ULK4: variants seen among roughly 807,000 people sequenced by gnomAD.
ULK4 encodes the protein unc-51 like kinase 4.
ULK4 carries 133 observed loss-of-function variants against 160.6 expected under a neutral mutation model. The ratio of observed to expected loss-of-function variants is 0.83; its 90% confidence interval spans 0.72 to 0.96. ULK4 has a LOEUF of 0.96. Among genes scored for constraint, ULK4 ranks in the 40% least tolerant of loss-of-function variants. The pLI, the probability that ULK4 is intolerant of heterozygous loss-of-function variation, is 0.00. For missense variants in ULK4, 1,580 were observed against 1,499.5 expected (o/e 1.05, Z -0.89); for synonymous variants, 534 against 539.8 (o/e 0.99, Z 0.15).
chr3:41,750,756 G>C (rs1309417348), intron 22 of ULK4, among the ~76,000 whole-genome samples: 3 of 151,970 alleles, frequency 2.0e-5, no homozygotes, highest in Non-Finnish European at 4.4e-5. Flanking sequence ...AGCACTTTGG[G>C]AGGTCAAGGC....
Position 41,321,987 on chromosome 3 carries a change from GTACTT to G in ULK4, c.3679-72418_3679-72414del, listed in dbSNP as rs1368275224. Among the ~76,000 whole-genome samples, 5 of 143,786 alleles carry G rather than the reference GTACTT, an allele frequency of 3.5e-5. 2 individuals are homozygous for G. Among genetic ancestry groups the G allele is most frequent in the Non-Finnish European group, 4.5e-5 (3 of 66,294 alleles). The allele number at this position is 143,786 out of a possible 152,430, so 94.3% of individuals were successfully genotyped here. A position where few individuals can be genotyped will look rare whatever the true frequency, so the allele number is the denominator to read the frequency against. On this transcript the variant is annotated intron_variant, in intron 35 of 36. Transcript: ENST00000301831. Reference sequence around the variant, plus strand: ...GTCATCCTCTTGGCCCTCTTCCAGTGTACTTTACTTCTTTTCATTCCTGCTCTAAA... The same window carrying G: ...GTCATCCTCTTGGCCCTCTTCCAGTGTACTTCTTTTCATTCCTGCTCTAAA...
At chr3:41,897,798 T>C (rs1698216282) in intron 14 of ULK4, among the ~76,000 whole-genome samples, 1 of 152,216 alleles carries the variant, frequency 6.6e-6, no homozygotes, top group Admixed American at 6.5e-5. Flanking sequence ...AAATATATTT[T>C]AAATTTACTT....
chr3:41,337,215 A>G (rs912193759), intron 35 of ULK4, among the ~76,000 whole-genome samples: 1 of 152,228 alleles, frequency 6.6e-6, no homozygotes, highest in South Asian at 2.1e-4. Flanking sequence ...TTCTGGCTGC[A>G]AAGTATTACT....
intron 27 of ULK4, among the ~76,000 whole-genome samples, chr3:41,692,152 C>T (rs553564092): frequency 2.2e-4 from 34 of 151,460 alleles, no homozygotes; most frequent in African/African-American, 7.7e-4. Flanking sequence ...GGAGTTTCAC[C>T]GTGTTAGCCA....
intron 32 of ULK4, among the ~76,000 whole-genome samples, chr3:41,524,657 C>A (rs913663438): frequency 6.6e-6 from 1 of 151,938 alleles, no homozygotes; most frequent in African/African-American, 2.4e-5. Flanking sequence ...GGAAGAGGGG[C>A]AGCCGGGTGG....
chr3:41,540,590 C>T (rs146730676), intron 32 of ULK4, among the ~76,000 whole-genome samples: 373 of 152,264 alleles, frequency 2.4e-3, no homozygotes, highest in East Asian at 0.013. Context: ...ATTTCTAGTT[C>T]TAGATCCTTA....
chr3:41,515,361 G>C (rs189138182), intron 32 of ULK4, among the ~76,000 whole-genome samples: 1 of 152,014 alleles, frequency 6.6e-6, no homozygotes, highest in East Asian at 1.9e-4. Context: ...TCATATAATA[G>C]AATACTATAT....
At chr3:41,300,840 TATATATATA>T (rs2079776162) in intron 35 of ULK4, among the ~76,000 whole-genome samples, 13 of 22,208 alleles carry the variant, frequency 5.9e-4, no homozygotes, top group African/African-American at 1.4e-3. Context: ...TTACAGATTA[TATATATATA>T]TATATATATA....
At chr3:41,435,535 T>A (rs570176775) in intron 34 of ULK4, among the ~76,000 whole-genome samples, 5 of 152,342 alleles carry the variant, frequency 3.3e-5, no homozygotes, top group Non-Finnish European at 7.3e-5. Context: ...AATTGTTAAA[T>A]AAGGTTCTAT....
intron 30 of ULK4, among the ~76,000 whole-genome samples, chr3:41,643,897 A>C (rs907094741): frequency 6.6e-6 from 1 of 152,020 alleles, no homozygotes; most frequent in Non-Finnish European, 1.5e-5. Flanking sequence ...CTCCTTGAAG[A>C]GGTCCTTCAC....
At chr3:41,568,805 G>A (rs891485329) in intron 31 of ULK4, among the ~76,000 whole-genome samples, 6 of 152,100 alleles carry the variant, frequency 3.9e-5, no homozygotes, top group Admixed American at 6.6e-5. Context: ...AAAATCTACC[G>A]GGAAACAGTA....
At chr3:41,272,195 G>C (rs2079149246) in intron 35 of ULK4, among the ~76,000 whole-genome samples, 1 of 152,180 alleles carries the variant, frequency 6.6e-6, no homozygotes, top group South Asian at 2.1e-4. Flanking sequence ...GGGATTACAG[G>C]TGTGAGCCAC....
chr3:41,831,096 C>A (rs1281922445), intron 18 of ULK4, among the ~76,000 whole-genome samples: 1 of 151,866 alleles, frequency 6.6e-6, no homozygotes, highest in African/African-American at 2.4e-5. Flanking sequence ...GGCATGATCA[C>A]GGCTCACTGC....
intron 32 of ULK4, among the ~76,000 whole-genome samples, chr3:41,561,243 A>C (rs2087556600): frequency 6.6e-6 from 1 of 152,108 alleles, no homozygotes; most frequent in Admixed American, 6.5e-5. Context: ...AAGCTTTCTG[A>C]TGTGCTACTG....
At chr3:41,786,460 G>C (rs2039999111) in intron 21 of ULK4, among the ~76,000 whole-genome samples, 1 of 151,980 alleles carries the variant, frequency 6.6e-6, no homozygotes, top group Non-Finnish European at 1.5e-5. Flanking sequence ...AAATTAGCCA[G>C]ACATGGCGGT....
chr3:41,490,581 T>C (rs1344016186), intron 32 of ULK4, among the ~76,000 whole-genome samples: 8 of 152,244 alleles, frequency 5.3e-5, no homozygotes, highest in Admixed American at 5.2e-4. Flanking sequence ...ATACTGCTTT[T>C]TATCCTTTCA....
In ULK4 at chr3:41,383,870, ATC is replaced by A. The variant is rs200393234; in HGVS notation, c.3678+14207_3678+14208del. 6.7e-3 allele frequency among the ~76,000 whole-genome samples: 1,018 copies of A among 152,302 alleles called. 4 individuals are homozygous for A. Among genetic ancestry groups the A allele is most frequent in the East Asian group, 0.015 (79 of 5,176 alleles). ...CTTCTCCCTTTTTGAGAGTTATTAT[ATC>A]TGTTACCAAGAATAGTAGATTGGTC... is the stretch of plus-strand genomic sequence containing the variant. On this transcript the variant is annotated intron_variant, in intron 35 of 36. Transcript: ENST00000301831.
intron 32 of ULK4, among the ~76,000 whole-genome samples, chr3:41,482,555 A>G (rs185467379): frequency 6.6e-6 from 1 of 152,332 alleles, no homozygotes; most frequent in Admixed American, 6.5e-5. Context: ...TCACTTGGCT[A>G]TGGTGAGTTA....
intron 22 of ULK4, among the ~76,000 whole-genome samples, chr3:41,732,932 T>C (rs1191731844): frequency 6.6e-6 from 1 of 151,942 alleles, no homozygotes; most frequent in Non-Finnish European, 1.5e-5. Context: ...AAGAGAATAT[T>C]GGTAACCACA....
Sources: allele counts gnomAD v4.1 joint callset (sites outside exome capture counted in the v4.1 genomes callset), GRCh38; gene constraint gnomAD v4.1.1; transcripts MANE v1.5; gene names NCBI Gene and HGNC (gene_info 2026-07-23, HGNC 2026-07-21).